Variants in UNC13C observed in about 807,000 individuals in gnomAD.
The protein encoded by UNC13C is protein unc-13 homolog C.
UNC13C carries 174 observed loss-of-function variants against 245.4 expected under a neutral mutation model. The ratio of observed to expected loss-of-function variants is 0.71; its 90% CI spans 0.63 to 0.80. The LOEUF is 0.80. UNC13C is among the 30% of genes least tolerant of loss of function. UNC13C has a pLI of 0.00. For synonymous variants in UNC13C, 992 were observed against 895.1 expected (o/e 1.11, Z -1.93); for missense variants, 2,829 against 2,602.9 (o/e 1.09, Z -1.89).
chr15:53,854,680 C>A, the UNC13C span, among the ~76,000 whole-genome samples: 2 of 152,110 alleles, frequency 1.3e-5, no homozygotes, highest in African/African-American at 4.8e-5. Flanking sequence ...CAGTACCATG[C>A]TGTTTTGGTT....
chr15:53,959,935 T>C, the UNC13C span, among the ~76,000 whole-genome samples: 1 of 152,168 alleles, frequency 6.6e-6, no homozygotes, highest in Non-Finnish European at 1.5e-5. Flanking sequence ...TATTGTGGTA[T>C]TTTAATAAAT....
intron 10 of UNC13C, among the ~76,000 whole-genome samples, chr15:54,284,354 G>T (rs1204593490): frequency 6.6e-6 from 1 of 152,112 alleles, no homozygotes; most frequent in Non-Finnish European, 1.5e-5. Context: ...ACTCCTACCT[G>T]TGATGTTTCT....
Position 54,533,073 on chromosome 15 carries a change from T to A in UNC13C, c.5696+7T>A, listed in dbSNP as rs770923602. 39 of 1,581,336 alleles carry A rather than the reference T, an allele frequency of 2.5e-5. No individual in the cohort carries two copies. The highest frequency in any genetic ancestry group is 1.6e-4 in the African/African-American group (12 of 74,146). On this transcript the variant is annotated splice_region_variant and intron_variant, in intron 26 of 32. Transcript: ENST00000260323. ...TGGATTTTTTGGACAAAACGTAAGT[T>A]TTTTTGCCCAGTTTTCTCTTTACTT...
chr15:54,533,602 C>T (rs901091670), intron 26 of UNC13C, among the ~76,000 whole-genome samples: 1 of 152,178 alleles, frequency 6.6e-6, no homozygotes, highest in African/African-American at 2.4e-5. Context: ...AAAAGAAAGC[C>T]GAAGTCCCTG....
chr15:54,342,594 C>T (rs568748255), intron 17 of UNC13C, among the ~76,000 whole-genome samples: 1 of 152,100 alleles, frequency 6.6e-6, no homozygotes, highest in African/African-American at 2.4e-5. Flanking sequence ...TATCACCTGT[C>T]CTTTCAGGAA....
At chr15:54,401,119 T>C (rs1040652048) in intron 18 of UNC13C, among the ~76,000 whole-genome samples, 4 of 152,202 alleles carry the variant, frequency 2.6e-5, no homozygotes, top group African/African-American at 9.6e-5. Flanking sequence ...GTAATAAATA[T>C]AGGAAAGATA....
chr15:54,443,913 A>G (rs940539732), intron 19 of UNC13C, among the ~76,000 whole-genome samples: 4 of 151,972 alleles, frequency 2.6e-5, no homozygotes, highest in Non-Finnish European at 4.4e-5. Flanking sequence ...AAGGTATATT[A>G]AGTTCATTTG....
chr15:54,183,966 G>T (rs1416037081), intron 4 of UNC13C, among the ~76,000 whole-genome samples: 1 of 149,196 alleles, frequency 6.7e-6, no homozygotes, highest in East Asian at 2.0e-4. Context: ...CATTCAACCA[G>T]TTTTGAAAAA....
chr15:54,464,749 G>T (rs1457189104), intron 19 of UNC13C, among the ~76,000 whole-genome samples: 1 of 152,060 alleles, frequency 6.6e-6, no homozygotes, highest in Non-Finnish European at 1.5e-5. Flanking sequence ...TAGAAAATGA[G>T]TGTAAATTAA....
intron 13 of UNC13C, among the ~76,000 whole-genome samples, chr15:54,319,069 G>A (rs2038082760): frequency 6.6e-6 from 1 of 151,862 alleles, no homozygotes; most frequent in African/African-American, 2.4e-5. Context: ...TACTCAGCCT[G>A]ATGACCTCCA....
At chr15:53,930,832 T>C in the UNC13C span, among the ~76,000 whole-genome samples, 22 of 152,316 alleles carry the variant, frequency 1.4e-4, no homozygotes, top group African/African-American at 5.3e-4. Flanking sequence ...TCATGCATTT[T>C]AGTACTGAGA....
At chr15:54,041,297 T>A (rs1327025296) in intron 2 of UNC13C, among the ~76,000 whole-genome samples, 5 of 152,238 alleles carry the variant, frequency 3.3e-5, no homozygotes, top group African/African-American at 4.8e-5. Flanking sequence ...TCTCTACAAA[T>A]TATAATTAAA....
the UNC13C span, among the ~76,000 whole-genome samples, chr15:53,872,464 C>T: frequency 5.3e-5 from 8 of 152,130 alleles, no homozygotes; most frequent in East Asian, 1.6e-3. Context: ...TATTCTTACT[C>T]CCTAGATTTA....
At chr15:54,072,956 C>T (rs1490104537) in intron 2 of UNC13C, among the ~76,000 whole-genome samples, 1 of 151,908 alleles carries the variant, frequency 6.6e-6, no homozygotes, top group African/African-American at 2.4e-5. Flanking sequence ...TAGGTATACA[C>T]GTGCCATGGT....
chr15:54,473,632 G>A (rs564414200), intron 19 of UNC13C, among the ~76,000 whole-genome samples: 1 of 151,790 alleles, frequency 6.6e-6, no homozygotes, highest in Admixed American at 6.6e-5. Context: ...AATGACCTCT[G>A]GTTCCATCTA....
At chr15:54,217,061 A>T (rs2035063726) in intron 4 of UNC13C, among the ~76,000 whole-genome samples, 2 of 152,040 alleles carry the variant, frequency 1.3e-5, no homozygotes. Context: ...CTAGGAGTTA[A>T]TGGAGAGAAG....
At chr15:54,444,701 C>G (rs1890711196) in intron 19 of UNC13C, among the ~76,000 whole-genome samples, 1 of 151,758 alleles carries the variant, frequency 6.6e-6, no homozygotes, top group Admixed American at 6.6e-5. Context: ...TGTGTGTGCT[C>G]TACCAGTGGG....
chr15:54,222,345 G>A (rs964941169), intron 4 of UNC13C, among the ~76,000 whole-genome samples: 5 of 151,978 alleles, frequency 3.3e-5, no homozygotes, highest in African/African-American at 1.2e-4. Context: ...GTGAGCGTAT[G>A]CAGTTTGTCT....
chr15:54,426,770 C>T (rs1230945164), intron 19 of UNC13C, among the ~76,000 whole-genome samples: 1 of 151,780 alleles, frequency 6.6e-6, no homozygotes, highest in African/African-American at 2.4e-5. Flanking sequence ...ACCCGCCATG[C>T]AACACTGAGC....
Sources: allele counts gnomAD v4.1 joint callset (sites outside exome capture counted in the v4.1 genomes callset), GRCh38; gene constraint gnomAD v4.1.1; transcripts MANE v1.5; gene names NCBI Gene and HGNC (gene_info 2026-07-23, HGNC 2026-07-21).